PRKAR1B: variants seen among roughly 807,000 people sequenced by gnomAD.
PRKAR1B encodes the protein protein kinase cAMP-dependent type I regulatory subunit beta.
PRKAR1B carries 22 observed loss-of-function variants against 46.5 expected under a neutral mutation model. The observed-to-expected ratio is 0.47, with a 90% CI of 0.34 to 0.68. The LOEUF (loss-of-function observed/expected upper bound fraction) is 0.68, where lower values mean the gene tolerates loss of function less well. PRKAR1B is among the 30% of genes least tolerant of loss of function. The pLI is 0.01. For missense variants in PRKAR1B, 445 were observed against 535.6 expected (o/e 0.83, Z 1.67); for synonymous variants, 259 against 217.7 (o/e 1.19, Z -1.67).
At chr7:715,020 G>A (rs1219451814) in intron 1 of PRKAR1B, among the ~76,000 whole-genome samples, 4 of 151,888 alleles carry the variant, frequency 2.6e-5, no homozygotes, top group Non-Finnish European at 4.4e-5. Context: ...ACCCTGTCTC[G>A]ACTAGAAATA....
At chr7:626,504 A>C (rs1296609739) in intron 4 of PRKAR1B, among the ~76,000 whole-genome samples, 1 of 152,160 alleles carries the variant, frequency 6.6e-6, no homozygotes, top group Non-Finnish European at 1.5e-5. Context: ...CTCAGAAACA[A>C]AAAACAAAAA....
intron 7 of PRKAR1B, among the ~76,000 whole-genome samples, chr7:585,423 C>T (rs1780541703): frequency 6.6e-6 from 1 of 152,196 alleles, no homozygotes; most frequent in Admixed American, 6.5e-5. Flanking sequence ...AAAACAGAGA[C>T]ACAGAGTCCA....
chr7:714,912 G>C lies in PRKAR1B; in HGVS notation c.-22-3385C>G, dbSNP rs1053332943. On this transcript the variant is annotated intron_variant, in intron 1 of 10. Coordinates refer to ENST00000537384, the MANE Select transcript of PRKAR1B (RefSeq NM_001164760.2). This position sits in a 1 kb window ranked among gnomAD's most constrained non-coding sequence, Gnocchi z 4.3. ...CATCAATAAATACCTTTGGCCGGATGCGGTGGTTCACACCTGTAATCCCAG... is the reference window on the plus strand; with the variant it reads ...CATCAATAAATACCTTTGGCCGGATCCGGTGGTTCACACCTGTAATCCCAG... Among the ~76,000 whole-genome samples the C allele has an allele frequency of 6.6e-6, 1 of 152,204 alleles. No individual in the cohort carries two copies. Among genetic ancestry groups the C allele is most frequent in the Non-Finnish European group, 1.5e-5 (1 of 68,044 alleles).
chr7:664,822 G>A (rs1258203131), intron 4 of PRKAR1B, among the ~76,000 whole-genome samples: 1 of 152,174 alleles, frequency 6.6e-6, no homozygotes, highest in Non-Finnish European at 1.5e-5. Flanking sequence ...GCTGAGGCAG[G>A]AGGATCACTT....
intron 6 of PRKAR1B, among the ~76,000 whole-genome samples, chr7:605,992 A>ATCACCC (rs1029658333): frequency 4.6e-5 from 7 of 152,204 alleles, no homozygotes; most frequent in Admixed American, 2.0e-4. Flanking sequence ...ACCTGCCAGC[A>ATCACCC]TCACCCTTGT....
chr7:575,663 C>T (rs749747107), intron 9 of PRKAR1B, among the ~76,000 whole-genome samples: 14 of 152,088 alleles, frequency 9.2e-5, no homozygotes, highest in Middle Eastern at 3.2e-3. Flanking sequence ...CTCCCGCCTC[C>T]GCCTCCCAAG....
intron 3 of PRKAR1B, among the ~76,000 whole-genome samples, 160 bp downstream of exon 3, chr7:680,396 A>G (rs559413950): frequency 2.6e-5 from 4 of 152,270 alleles, no homozygotes; most frequent in African/African-American, 9.6e-5. Context: ...AAGCCCACCC[A>G]GAACTGCCTC....
At chr7:626,165 G>A (rs1041046674) in intron 4 of PRKAR1B, among the ~76,000 whole-genome samples, 1 of 152,142 alleles carries the variant, frequency 6.6e-6, no homozygotes, top group African/African-American at 2.4e-5. Context: ...TAAAGAAGTT[G>A]AATCAGTAAT....
In PRKAR1B at chr7:666,048, G is replaced by A. The variant is rs1260332813; in HGVS notation, c.440+11181C>T. On this transcript the variant is annotated intron_variant, in intron 4 of 10. Coordinates refer to ENST00000537384, the MANE Select transcript of PRKAR1B (RefSeq NM_001164760.2). This position sits in a 1 kb window ranked among gnomAD's most constrained non-coding sequence, Gnocchi z 4.9. ...CCCGTCTGGCAGCTCCAGTAATGAG[G>A]TCCCCGCCGGAGGCCCAACGCACAA... 1.3e-5 allele frequency among the ~76,000 whole-genome samples: 2 copies of A among 152,192 alleles called. No individual in the cohort carries two copies. The highest frequency in any genetic ancestry group is 2.9e-5 in the Non-Finnish European group (2 of 68,032).
chr7:567,926 G>C (rs886117418), intron 9 of PRKAR1B, among the ~76,000 whole-genome samples: 1 of 152,144 alleles, frequency 6.6e-6, no homozygotes, highest in African/African-American at 2.4e-5. Context: ...TTCAGCCTGG[G>C]AAGATGAAAC....
At chr7:687,632 T>C (rs898377478) in intron 2 of PRKAR1B, among the ~76,000 whole-genome samples, 9 of 152,196 alleles carry the variant, frequency 5.9e-5, no homozygotes, top group Admixed American at 2.6e-4. Flanking sequence ...GGAGAGAATA[T>C]GGCAGAAGCA....
chr7:705,184 C>T lies in PRKAR1B; in HGVS notation c.177+6145G>A, dbSNP rs1157271198. Among the ~76,000 whole-genome samples the T allele has an allele frequency of 4.6e-5, 7 of 151,712 alleles. 1 individual carries two copies. Among genetic ancestry groups the T allele is most frequent in the Middle Eastern group, 3.4e-3 (1 of 294 alleles). On this transcript the variant is annotated intron_variant, in intron 2 of 10. Coordinates refer to ENST00000537384, the MANE Select transcript of PRKAR1B (RefSeq NM_001164760.2). ...GCACATGCCTGTAATCCTAGCTATCCGGGAGGCTGAGGCAGGAAAATCGCT... is the reference window on the plus strand; with the variant it reads ...GCACATGCCTGTAATCCTAGCTATCTGGGAGGCTGAGGCAGGAAAATCGCT...
At chr7:579,470 C>T (rs902227223) in intron 8 of PRKAR1B, 93 bp from the exon 9 acceptor site, 2 of 1,515,542 alleles carry the variant, frequency 1.3e-6, no homozygotes, top group Non-Finnish European at 1.8e-6. Flanking sequence ...CGAAAGGTGT[C>T]CTCAGAAGCA....
chr7:641,343 G>A (rs1434143543), intron 4 of PRKAR1B, among the ~76,000 whole-genome samples: 1 of 152,202 alleles, frequency 6.6e-6, no homozygotes, highest in Non-Finnish European at 1.5e-5. Flanking sequence ...CGTTCACACA[G>A]ACACGCATAA....
At chr7:683,840 C>A (rs1012551085) in intron 2 of PRKAR1B, among the ~76,000 whole-genome samples, 1 of 152,260 alleles carries the variant, frequency 6.6e-6, no homozygotes, top group African/African-American at 2.4e-5. Context: ...CCGCTCCTCA[C>A]CCAGCCCGAT....
In PRKAR1B at chr7:711,517, C is replaced by G; in HGVS notation, c.-12G>C. On this transcript the variant is annotated 5_prime_UTR_variant, in exon 2 of 11. Transcript: ENST00000537384. ...GGCGGGGAGGCCATGGCGAGGGTGG[C>G]TGCTTCCTTCCTGTCCAGAAAACAC... is the stretch of plus-strand genomic sequence containing the variant. 1 of 1,611,922 alleles carries G rather than the reference C, an allele frequency of 6.2e-7. No homozygotes were observed. Among genetic ancestry groups the G allele is most frequent in the Non-Finnish European group, 8.5e-7 (1 of 1,179,026 alleles).
chr7:727,834 AC>A (rs1781411095), upstream of PRKAR1B, among the ~76,000 whole-genome samples: 1 of 99,756 alleles, frequency 1.0e-5, no homozygotes, highest in South Asian at 4.2e-4. Context: ...CCTCCACCCC[AC>A]CCGGGCCCAC....
intron 4 of PRKAR1B, among the ~76,000 whole-genome samples, chr7:662,853 CCT>C (rs1189847161): frequency 1.3e-5 from 2 of 152,368 alleles, no homozygotes; most frequent in Non-Finnish European, 2.9e-5. Context: ...CCCCCCACCA[CCT>C]GGGGCCCAGG....
intron 2 of PRKAR1B, among the ~76,000 whole-genome samples, chr7:684,796 C>A (rs1778911111): frequency 6.6e-6 from 1 of 151,964 alleles, no homozygotes; most frequent in Non-Finnish European, 1.5e-5. Flanking sequence ...AATGAATCAC[C>A]AAACGTCCAT....
Sources: allele counts gnomAD v4.1 joint callset (sites outside exome capture counted in the v4.1 genomes callset), GRCh38; gene constraint gnomAD v4.1.1; non-coding constraint Gnocchi (gnomAD v3.1); transcripts MANE v1.5; gene names NCBI Gene and HGNC (gene_info 2026-07-23, HGNC 2026-07-21).